Variants in WDR37 observed in about 807,000 individuals in gnomAD.
WDR37 encodes WD repeat-containing protein 37.
In WDR37, 19 loss-of-function variants were observed where a neutral mutation model predicts 62.9. That is an observed-to-expected ratio of 0.30 (90% confidence interval 0.21 to 0.44). WDR37 has a LOEUF of 0.44. WDR37 is among the 20% of genes least tolerant of loss of function. The pLI is 1.00. For synonymous variants in WDR37, 250 were observed against 260.9 expected, an observed-to-expected ratio of 0.96 and a Z score of 0.40; for missense variants, 474 against 657.6, an observed-to-expected ratio of 0.72 and a Z score of 3.05.
chr10:1,105,364 G>A lies in WDR37; in HGVS notation c.1103+97G>A, dbSNP rs1834968571. On this transcript the variant is annotated intron_variant, in intron 11 of 13. Transcript: ENST00000263150. This position sits in a 1 kb window ranked among gnomAD's most constrained non-coding sequence, Gnocchi z 5.3. ...TCTAGCCTTAATTTTCAGTATTTCC[G>A]ACTCTACTATCTTTCAAAAAAATAA... 7.1e-7 allele frequency: 1 copy of A among 1,418,304 alleles called. No homozygotes were observed. Among genetic ancestry groups the A allele is most frequent in the Non-Finnish European group, 9.6e-7 (1 of 1,042,342 alleles). 87.9% of individuals were successfully genotyped at this position (1,418,304 alleles called of 1,614,324 possible).
At chr10:1,087,931 A>C (rs1158900715) in intron 7 of WDR37, among the ~76,000 whole-genome samples, 1 of 152,236 alleles carries the variant, frequency 6.6e-6, no homozygotes, top group Non-Finnish European at 1.5e-5. Flanking sequence ...GTTTAGAGTA[A>C]CCATCTTCAC....
In WDR37 at chr10:1,124,990, T is replaced by C. The variant is rs1420706380; in HGVS notation, c.1319T>C (p.Val440Ala). The change falls in exon 13 of 14, where the codon GTG becomes GCG. Residue 440 changes from valine to alanine, a missense_variant. Physicochemically the swap from Val to Ala is moderately conservative, Grantham distance 64. Coordinates refer to ENST00000263150, the MANE Select transcript of WDR37 (RefSeq NM_014023.4). Reference protein sequence around the residue: ...RQVRLFDMSGVRLARLPRSSR... With the variant: ...RQVRLFDMSGARLARLPRSSR... ...GTGAGACTGTTTGATATGTCAGGAG[T>C]GCGCCTGGCGCGGCTTCCCCGGAGC... is the stretch of plus-strand genomic sequence containing the variant. 1.2e-6 allele frequency: 2 copies of C among 1,614,122 alleles called. No homozygotes were observed. The highest frequency in any genetic ancestry group is 1.7e-6 in the Non-Finnish European group (2 of 1,180,020).
At chr10:1,074,327 G>GA (rs1418378895) in intron 2 of WDR37, 1 of 1,218,164 alleles carries the variant, frequency 8.2e-7, no homozygotes, top group Non-Finnish European at 1.1e-6. Context: ...TCTCCTTTGT[G>GA]ACACAGCAGA....
rs774597747 is a variant in WDR37 at position 1,124,241 on chromosome 10, C to T, written c.1127C>T (p.Thr376Ile). 4 of 1,614,218 alleles carry T rather than the reference C, an allele frequency of 2.5e-6. No individual in the cohort carries two copies. Among genetic ancestry groups the T allele is most frequent in the South Asian group, 1.1e-5 (1 of 91,086 alleles). Residue 376 changes from threonine to isoleucine, a missense_variant, in exon 12 of 14, where the codon ACC (threonine) becomes ATC (isoleucine). Transcript: ENST00000263150. ...HTDTVTSAVF[T>I]VGDNVVSGSD... is the part of the protein sequence containing the mutation. ...AGCACTGTGACTTCTGCCGTGTTCA[C>T]CGTGGGAGACAACGTGGTTTCAGGC...
Position 1,072,168 on chromosome 10 carries a change from A to G in WDR37, c.13A>G (p.Ser5Gly), listed in dbSNP as rs556067345. The change falls in exon 2 of 14, where the codon AGC becomes GGC. Residue 5 changes from serine (S) to glycine (G), a missense_variant. Transcript: ENST00000263150. MPTE[S>G]ASCSTARQTK... ...CCTCCTAGAAGTAATGCCCACAGAA[A>G]GCGCAAGTTGTTCGACTGCTCGCCA... 6.2e-7 allele frequency: 1 copy of G among 1,614,188 alleles called. No individual in the cohort carries two copies. Among genetic ancestry groups the G allele is most frequent in the East Asian group, 2.2e-5 (1 of 44,890 alleles).
intron 11 of WDR37, among the ~76,000 whole-genome samples, chr10:1,112,436 G>A (rs2086382): frequency 0.85 from 129,790 of 152,164 alleles, 55,899 homozygotes; most frequent in Middle Eastern, 0.91. Context: ...ACACAACACT[G>A]TTGAAATTAG....
rs563874319 is a variant in WDR37 at position 1,086,309 on chromosome 10, A to G, written c.556A>G (p.Ile186Val). 17 of 1,614,196 alleles carry G rather than the reference A, an allele frequency of 1.1e-5. No individual in the cohort carries two copies. In the South Asian group the frequency reaches 1.6e-4, roughly 16 times the overall value. ...AGATCACACGGCTTTGCTGTGGAGC[A>G]TAGAGACAGGGAAGTGCCTAGTCAA... is the stretch of plus-strand genomic sequence containing the variant. ...SADHTALLWS[I>V]ETGKCLVKYA... The change falls in exon 7 of 14, where the codon ATA becomes GTA. Residue 186 changes from isoleucine to valine, a missense_variant. By Grantham distance (29) the Ile-to-Val change is conservative (BLOSUM62 3). Coordinates refer to ENST00000263150, the MANE Select transcript of WDR37 (RefSeq NM_014023.4).
At chr10:1,109,278 A>G (rs1835132125) in intron 11 of WDR37, among the ~76,000 whole-genome samples, 1 of 152,212 alleles carries the variant, frequency 6.6e-6, no homozygotes, top group Non-Finnish European at 1.5e-5. Context: ...ATTTAACTGG[A>G]AGATTTTATT....
intron 11 of WDR37, among the ~76,000 whole-genome samples, chr10:1,108,749 C>CCCCG (rs1466041154): frequency 0.011 from 1,393 of 127,824 alleles, 110 homozygotes; most frequent in South Asian, 0.023. Flanking sequence ...GCCCCCCCCC[C>CCCCG]CCGTGGAACC....
intron 7 of WDR37, 132 bp from the exon 8 acceptor site, chr10:1,093,316 TTAAC>T (rs1834463363): frequency 4.3e-6 from 3 of 695,442 alleles, no homozygotes; most frequent in Non-Finnish European, 7.3e-6. Context: ...TATTTATAAC[TTAAC>T]TGAGTGGAGG....
chr10:1,080,411 G>A lies in WDR37; in HGVS notation c.332-1G>A. The A allele has an allele frequency of 6.2e-7, 1 of 1,614,084 alleles. No individual in the cohort carries two copies. Among genetic ancestry groups the A allele is most frequent in the Non-Finnish European group, 8.5e-7 (1 of 1,180,006 alleles). On this transcript the variant is annotated splice_acceptor_variant, in intron 4 of 13. Coordinates refer to ENST00000263150, the MANE Select transcript of WDR37 (RefSeq NM_014023.4). LOFTEE classifies it high-confidence loss of function. ...TTGATTGTCACTCTCTGTCCCTGCA[G>A]CCAGTCACAGCACCAGCCAGCTCTC...
At chr10:1,100,458 T>C (rs1295882259) in intron 9 of WDR37, among the ~76,000 whole-genome samples, 1 of 152,226 alleles carries the variant, frequency 6.6e-6, no homozygotes, top group Admixed American at 6.5e-5. Context: ...TGCCGGCCAG[T>C]GTTGACTCTG....
At chr10:1,095,279 T>G (rs527479271) in intron 8 of WDR37, among the ~76,000 whole-genome samples, 11,779 of 132,652 alleles carry the variant, frequency 0.089, 1,197 homozygotes, top group African/African-American at 0.26. Context: ...ACTTGGAAAC[T>G]GGAGGTAATG....
At chr10:1,089,361 A>C (rs1834306810) in intron 7 of WDR37, among the ~76,000 whole-genome samples, 1 of 152,096 alleles carries the variant, frequency 6.6e-6, no homozygotes, top group Middle Eastern at 3.4e-3. Context: ...TGGGGCTTCC[A>C]GTGCTTCCCT....
intron 1 of WDR37, among the ~76,000 whole-genome samples, chr10:1,057,228 T>G (rs1424922874): frequency 6.7e-6 from 1 of 150,254 alleles, no homozygotes; most frequent in Non-Finnish European, 1.5e-5. Context: ...GCAGGAGTAG[T>G]CCGTGGCGGT....
At chr10:1,107,641 T>C (rs2131667551) in intron 11 of WDR37, among the ~76,000 whole-genome samples, 1 of 152,034 alleles carries the variant, frequency 6.6e-6, no homozygotes, top group Admixed American at 6.5e-5. Flanking sequence ...TTTACACATG[T>C]GTACACACCT....
At chr10:1,083,476 A>G (rs1806719239) in intron 5 of WDR37, among the ~76,000 whole-genome samples, 1 of 152,238 alleles carries the variant, frequency 6.6e-6, no homozygotes, top group South Asian at 2.1e-4. Context: ...GTTTGAAACA[A>G]GTTGTGTAAT....
intron 9 of WDR37, among the ~76,000 whole-genome samples, chr10:1,102,588 G>A (rs1812765678): frequency 6.6e-6 from 1 of 152,100 alleles, no homozygotes; most frequent in Non-Finnish European, 1.5e-5. Flanking sequence ...GTAAGGCGGG[G>A]GCGGGGGGTG....
At chr10:1,077,793 G>A in intron 2 of WDR37, 114 bp from the exon 3 acceptor site, 1 of 769,038 alleles carries the variant, frequency 1.3e-6, no homozygotes, top group East Asian at 2.9e-5. Flanking sequence ...ATAAAAATAT[G>A]TAATAATACA....
Sources: gnomAD v4.1 joint callset for allele counts (sites outside exome capture counted in the v4.1 genomes callset) on GRCh38, gnomAD v4.1.1 for gene constraint, Gnocchi (gnomAD v3.1) non-coding constraint, MANE v1.5 for transcripts, NCBI Gene and HGNC (gene_info 2026-07-23, HGNC 2026-07-21) for gene names.